TGFBRAP1: variants seen among roughly 807,000 people sequenced by gnomAD.
TGFBRAP1 encodes transforming growth factor-beta receptor-associated protein 1.
A neutral mutation model predicts 83.2 loss-of-function variants in TGFBRAP1; 20 were observed. The ratio of observed to expected loss-of-function variants is 0.24; its 90% CI spans 0.17 to 0.35. The LOEUF (loss-of-function observed/expected upper bound fraction) is 0.35, where lower values mean the gene tolerates loss of function less well. Among genes scored for constraint, TGFBRAP1 ranks in the 10% least tolerant of loss-of-function variants. The pLI, the probability that TGFBRAP1 is intolerant of heterozygous loss-of-function variation, is 1.00. For missense variants in TGFBRAP1, 950 were observed against 1,099.4 expected, an observed-to-expected ratio of 0.86 and a Z score of 1.92; for synonymous variants, 415 against 459.8, an observed-to-expected ratio of 0.90 and a Z score of 1.25.
At chr2:105,287,619 C>T (rs1003967282) in intron 4 of TGFBRAP1, among the ~76,000 whole-genome samples, 47 of 152,082 alleles carry the variant, frequency 3.1e-4, no homozygotes, top group African/African-American at 1.1e-3. Flanking sequence ...ACCGTGCAAC[C>T]TCAGAGTTGG....
At chr2:105,318,782 T>A (rs1678964832) in intron 1 of TGFBRAP1, among the ~76,000 whole-genome samples, 1 of 152,180 alleles carries the variant, frequency 6.6e-6, no homozygotes, top group Non-Finnish European at 1.5e-5. Context: ...AAGACCAGCA[T>A]GTGGTAGATG....
At chr2:105,291,830 A>G (rs1166686638) in intron 4 of TGFBRAP1, among the ~76,000 whole-genome samples, 4 of 152,204 alleles carry the variant, frequency 2.6e-5, no homozygotes, top group Non-Finnish European at 2.9e-5. Context: ...CCAGTTTGCC[A>G]TGTGTGCCAA....
the TGFBRAP1 span, among the ~76,000 whole-genome samples, chr2:105,257,433 C>A: frequency 6.6e-6 from 1 of 152,172 alleles, no homozygotes; most frequent in African/African-American, 2.4e-5. Context: ...CCCTTCCCAG[C>A]CCCTGGCACC....
chr2:105,328,463 A>G, intron 1 of TGFBRAP1, among the ~76,000 whole-genome samples: 1 of 152,238 alleles, frequency 6.6e-6, no homozygotes, highest in East Asian at 1.9e-4. Flanking sequence ...CTGACTGACC[A>G]TGGAACTGCG....
At chr2:105,267,603 T>C in intron 11 of TGFBRAP1, 44 bp from the exon 12 acceptor site, 1 of 1,610,276 alleles carries the variant, frequency 6.2e-7, no homozygotes, top group Non-Finnish European at 8.5e-7. Context: ...ATGTGTTAAG[T>C]ATATTTAAAG....
chr2:105,311,327 G>A (rs545488798), intron 1 of TGFBRAP1, among the ~76,000 whole-genome samples: 76 of 151,960 alleles, frequency 5.0e-4, no homozygotes, highest in African/African-American at 1.7e-3. Context: ...GTAATTAAAT[G>A]GTAATAATGC....
chr2:105,272,811 T>C, intron 10 of TGFBRAP1, 44 bp downstream of exon 10: 2 of 1,601,996 alleles, frequency 1.2e-6, no homozygotes, highest in South Asian at 1.1e-5. Flanking sequence ...ACCCGCTTGA[T>C]ATGAGTTTTT....
intron 10 of TGFBRAP1, 137 bp downstream of exon 10, chr2:105,272,718 T>A (rs941449733): frequency 2.9e-5 from 35 of 1,186,584 alleles, no homozygotes; most frequent in Non-Finnish European, 3.9e-5. Flanking sequence ...TTTAAAAAAA[T>A]CTTTTTAAAA....
chr2:105,296,328 A>G (rs752180337), intron 4 of TGFBRAP1, 28 bp downstream of exon 4: 1 of 1,612,644 alleles, frequency 6.2e-7, no homozygotes, highest in East Asian at 2.2e-5. Flanking sequence ...ACTTAGAGGC[A>G]TATTTCTGTG....
At chr2:105,256,663 T>C in the TGFBRAP1 span, among the ~76,000 whole-genome samples, 1 of 152,186 alleles carries the variant, frequency 6.6e-6, no homozygotes, top group Admixed American at 6.5e-5. Flanking sequence ...TCTGGCTATA[T>C]TTAAGTGCAT....
At position 105,267,157 on chromosome 2, in the gene TGFBRAP1, T is replaced by A; in HGVS notation, c.*226A>T. On this transcript the variant is annotated 3_prime_UTR_variant, in exon 12 of 12. Coordinates refer to ENST00000393359, the MANE Select transcript of TGFBRAP1 (RefSeq NM_004257.6). ...TCTTGTATGTTTCTGTTTTGGGGAT[T>A]TTTAGGGGTTTTCCATGTACATTCA... is the stretch of plus-strand genomic sequence containing the variant. 1 of 514,340 alleles carries A rather than the reference T, an allele frequency of 1.9e-6. No homozygotes were observed. 31.9% of individuals were successfully genotyped at this position (514,340 alleles called of 1,614,324 possible).
chr2:105,251,180 C>A, the TGFBRAP1 span, among the ~76,000 whole-genome samples: 1 of 149,088 alleles, frequency 6.7e-6, no homozygotes, highest in Non-Finnish European at 1.5e-5. Context: ...AGAGTCTCTG[C>A]CCGGCCGCCC....
At chr2:105,299,615 C>T (rs1004589461) in intron 2 of TGFBRAP1, among the ~76,000 whole-genome samples, 2 of 151,902 alleles carry the variant, frequency 1.3e-5, no homozygotes, top group African/African-American at 4.8e-5. Flanking sequence ...AGGGCAAGGA[C>T]CTGGGGCAGT....
chr2:105,300,408 AC>A (rs1182035870), intron 2 of TGFBRAP1, among the ~76,000 whole-genome samples: 2 of 150,394 alleles, frequency 1.3e-5, no homozygotes, highest in Non-Finnish European at 3.0e-5. Flanking sequence ...TAACACTACA[AC>A]CAACATAGGA....
chr2:105,316,462 T>TGTGTGTGCGCGCGCGC (rs1177329674), intron 1 of TGFBRAP1, among the ~76,000 whole-genome samples: 12 of 84,810 alleles, frequency 1.4e-4, no homozygotes, highest in African/African-American at 4.3e-4. Flanking sequence ...TGTGTGTGTG[T>TGTGTGTGCGCGCGCGC]GCGCGCGCGC....
intron 4 of TGFBRAP1, among the ~76,000 whole-genome samples, chr2:105,291,701 G>C (rs2104360697): frequency 6.6e-6 from 1 of 152,302 alleles, no homozygotes; most frequent in African/African-American, 2.4e-5. Flanking sequence ...CTTCACTTAT[G>C]TGAGATTCCT....
Position 105,269,752 on chromosome 2 carries a change from AC to A in TGFBRAP1, c.1973-48del. On this transcript the variant is annotated intron_variant, in intron 10 of 11. Transcript: ENST00000393359. This position sits in a 1 kb window ranked among gnomAD's most constrained non-coding sequence, Gnocchi z 4.1. ...TCAGAAAGAAAGGGGCTCGCCGGCCACCCGCCCAGCGACTGGCCTCCTTGCT... is the reference window on the plus strand; with the variant it reads ...TCAGAAAGAAAGGGGCTCGCCGGCCACCGCCCAGCGACTGGCCTCCTTGCT... 6.9e-7 allele frequency: 1 copy of A among 1,448,506 alleles called. No individual in the cohort carries two copies. The highest frequency in any genetic ancestry group is 1.5e-5 in the South Asian group (1 of 68,224). 89.7% of individuals were successfully genotyped at this position (1,448,506 alleles called of 1,614,324 possible).
chr2:105,263,937 C>A (rs913287652), downstream of TGFBRAP1, among the ~76,000 whole-genome samples: 1 of 152,066 alleles, frequency 6.6e-6, no homozygotes, highest in Non-Finnish European at 1.5e-5. Context: ...TGTGAACATA[C>A]CCCTTTCTTC....
chr2:105,280,399 C>G lies in TGFBRAP1; in HGVS notation c.1446G>C (p.Trp482Cys), dbSNP rs770488491. Residue 482 changes from tryptophan to cysteine, a missense_variant, in exon 6 of 12, where the codon TGG becomes TGC. By Grantham distance (215) the Trp-to-Cys change is radical. Coordinates refer to ENST00000393359, the MANE Select transcript of TGFBRAP1 (RefSeq NM_004257.6). ...ACACTCACTTTTTGTGCTTCTCTAG[C>G]CAGGCAGCACTGTCCGTCAGAAGAC... ...NFCLLTDSAA[W>C]LEKHKKYFAL... 6 of 1,613,510 alleles carry G rather than the reference C, an allele frequency of 3.7e-6. No individual in the cohort carries two copies. Among genetic ancestry groups the G allele is most frequent in the Non-Finnish European group, 5.1e-6 (6 of 1,179,820 alleles).
Sources: allele counts gnomAD v4.1 joint callset (sites outside exome capture counted in the v4.1 genomes callset), GRCh38; gene constraint gnomAD v4.1.1; non-coding constraint Gnocchi (gnomAD v3.1); transcripts MANE v1.5; gene names NCBI Gene and HGNC (gene_info 2026-07-23, HGNC 2026-07-21).